Variants in ALG9 observed in about 807,000 individuals in gnomAD.
The protein encoded by ALG9 is ALG9 alpha-1,2-mannosyltransferase, also known as alpha-1,2-mannosyltransferase ALG9.
Under a neutral mutation model 81.8 loss-of-function variants are expected in ALG9, and 55 were observed. The ratio of observed to expected loss-of-function variants is 0.67; its 90% CI spans 0.54 to 0.84. The LOEUF (loss-of-function observed/expected upper bound fraction) is 0.84. ALG9 is among the 40% of genes least tolerant of loss of function. The pLI, the probability that ALG9 is intolerant of heterozygous loss-of-function variation, is 0.00. For missense variants in ALG9, 629 were observed against 745.0 expected, an observed-to-expected ratio of 0.84 and a Z score of 1.81; for synonymous variants, 278 against 274.3, an observed-to-expected ratio of 1.01 and a Z score of -0.13.
chr11:111,837,499 G>A lies in ALG9; in HGVS notation c.1441C>T (p.Arg481Ter). Reference sequence around the variant, plus strand: ...GGAAGAAGGAAGCTGCTGGGAAATCGATACCACTCTTTTCCCACACAGACA... The same window carrying A: ...GGAAGAAGGAAGCTGCTGGGAAATCAATACCACTCTTTTCCCACACAGACA... Reference protein sequence around the residue: ...VNVCVGKEWYRFPSSFLLPDN... With the variant: ...VNVCVGKEWY The change falls in exon 12 of 15, where the codon CGA becomes TGA. Residue 481 changes from arginine (R) to a stop codon, truncating the protein, a stop_gained. Coordinates refer to ENST00000616540, the MANE Select transcript of ALG9 (RefSeq NM_024740.2). LOFTEE classifies it high-confidence loss of function. 2 of 1,614,152 alleles carry A rather than the reference G, an allele frequency of 1.2e-6. No homozygotes were observed. Among genetic ancestry groups the A allele is most frequent in the Non-Finnish European group, 1.7e-6 (2 of 1,180,016 alleles).
chr11:111,865,055 G>A, intron 4 of ALG9, 126 bp downstream of exon 4: 1 of 682,220 alleles, frequency 1.5e-6, no homozygotes. Flanking sequence ...GGGATTACAG[G>A]TGTGAGCCAC....
At chr11:111,797,061 A>G (rs2136277667) in intron 14 of ALG9, among the ~76,000 whole-genome samples, 1 of 152,342 alleles carries the variant, frequency 6.6e-6, no homozygotes, top group African/African-American at 2.4e-5. Flanking sequence ...GAAAAGTTTC[A>G]AAGTTTATCC....
At chr11:111,779,565 G>A (rs1466463731), downstream of ALG9, among the ~76,000 whole-genome samples, 1 of 151,740 alleles carries the variant, frequency 6.6e-6, no homozygotes. Flanking sequence ...TGCCCAGGCT[G>A]ATTTCAAACT....
chr11:111,778,942 G>A (rs1410084244), downstream of ALG9, among the ~76,000 whole-genome samples: 6 of 151,964 alleles, frequency 3.9e-5, no homozygotes, highest in Middle Eastern at 3.4e-3. Context: ...AGCCTACTGA[G>A]TAGCTGGGAT....
chr11:111,812,201 T>C (rs1950820933), intron 13 of ALG9, among the ~76,000 whole-genome samples: 1 of 152,210 alleles, frequency 6.6e-6, no homozygotes, highest in South Asian at 2.1e-4. Flanking sequence ...ACAGACTTTT[T>C]TGAAACTCAA....
At chr11:111,808,007 T>G (rs1950178075) in intron 14 of ALG9, among the ~76,000 whole-genome samples, 1 of 152,040 alleles carries the variant, frequency 6.6e-6, no homozygotes, top group Admixed American at 6.6e-5. Context: ...GAGGTAGAGG[T>G]TACAGTGAGC....
At chr11:111,866,729 T>C (rs1237524977) in intron 3 of ALG9, among the ~76,000 whole-genome samples, 1 of 151,316 alleles carries the variant, frequency 6.6e-6, no homozygotes, top group African/African-American at 2.4e-5. Context: ...ACCCTCTGCA[T>C]AGCACATTGT....
intron 11 of ALG9, among the ~76,000 whole-genome samples, 164 bp downstream of exon 11, chr11:111,838,085 G>C (rs1955621309): frequency 6.6e-6 from 1 of 152,158 alleles, no homozygotes. Context: ...TCAATCCTAA[G>C]ATACAGAAGT....
intron 8 of ALG9, among the ~76,000 whole-genome samples, chr11:111,852,612 G>GA (rs1402967452): frequency 9.9e-5 from 15 of 152,132 alleles, no homozygotes; most frequent in Non-Finnish European, 2.1e-4. Flanking sequence ...ATCTGGAAGA[G>GA]AAAAAGTAAC....
At chr11:111,773,478 C>G in the ALG9 span, among the ~76,000 whole-genome samples, 1 of 152,086 alleles carries the variant, frequency 6.6e-6, no homozygotes, top group African/African-American at 2.4e-5. Context: ...CTCCTGAACT[C>G]AGGTGATTCG....
chr11:111,851,685 C>T (rs1252889243), intron 8 of ALG9, among the ~76,000 whole-genome samples: 2 of 152,148 alleles, frequency 1.3e-5, no homozygotes, highest in African/African-American at 2.4e-5. Context: ...GTGTTTCTAA[C>T]AGGCTCTCTG....
chr11:111,828,290 G>T (rs41476151), intron 13 of ALG9, among the ~76,000 whole-genome samples: 2,834 of 152,316 alleles, frequency 0.019, 72 homozygotes, highest in Admixed American at 0.076. Context: ...ACCGCCAATG[G>T]ATAGTCTTGA....
intron 13 of ALG9, among the ~76,000 whole-genome samples, chr11:111,821,003 G>A (rs1952263398): frequency 6.6e-6 from 1 of 152,002 alleles, no homozygotes; most frequent in African/African-American, 2.4e-5. Context: ...GGCTGAGGTG[G>A]TAGGATTGCT....
chr11:111,865,956 T>C (rs750184574), intron 3 of ALG9, among the ~76,000 whole-genome samples: 15 of 152,206 alleles, frequency 9.9e-5, no homozygotes, highest in Non-Finnish European at 8.8e-5. Context: ...GAATACCATA[T>C]GGTTAAGAGC....
chr11:111,813,694 G>A (rs1951070352), intron 13 of ALG9, among the ~76,000 whole-genome samples: 1 of 152,186 alleles, frequency 6.6e-6, no homozygotes, highest in Admixed American at 6.5e-5. Context: ...AAACGGGCAA[G>A]TGACTTAGGT....
At chr11:111,841,552 G>C in intron 9 of ALG9, among the ~76,000 whole-genome samples, 1 of 152,220 alleles carries the variant, frequency 6.6e-6, no homozygotes, top group Admixed American at 6.5e-5. Context: ...AGAAATGAGA[G>C]ATAAGCCTGC....
Position 111,782,210 on chromosome 11 carries a change from T to A in ALG9, c.*4187A>T, listed in dbSNP as rs1282892332. Reference sequence around the variant, plus strand: ...AAAAAGAAAATCAAACTGCTACAATTTATTTAACTCTTTCTTTCACAGGAA... The same window carrying A: ...AAAAAGAAAATCAAACTGCTACAATATATTTAACTCTTTCTTTCACAGGAA... On this transcript the variant is annotated 3_prime_UTR_variant, in exon 15 of 15. Coordinates refer to ENST00000616540, the MANE Select transcript of ALG9 (RefSeq NM_024740.2). 1.3e-5 allele frequency: 2 copies of A among 152,174 alleles called. No individual in the cohort carries two copies. The highest frequency in any genetic ancestry group is 4.8e-5 in the African/African-American group (2 of 41,434). 9.4% of individuals were successfully genotyped at this position (152,174 alleles called of 1,614,324 possible). A position where few individuals can be genotyped will look rare whatever the true frequency, so the allele number is the denominator to read the frequency against.
chr11:111,849,755 T>G (rs1467557662), intron 8 of ALG9: 3 of 152,226 alleles, frequency 2.0e-5, no homozygotes, highest in Non-Finnish European at 4.4e-5. Context: ...TGTGTTAGTT[T>G]GCTGAGGATA....
At chr11:111,844,865 A>G (rs1956735644) in intron 8 of ALG9, 142 bp from the exon 9 acceptor site, 1 of 901,224 alleles carries the variant, frequency 1.1e-6, no homozygotes, top group Admixed American at 1.8e-5. Context: ...CACTCTTCCC[A>G]TGCTAAGCTA....
Sources: gnomAD v4.1 joint callset for allele counts (sites outside exome capture counted in the v4.1 genomes callset) on GRCh38, gnomAD v4.1.1 for gene constraint, MANE v1.5 for transcripts, NCBI Gene and HGNC (gene_info 2026-07-23, HGNC 2026-07-21) for gene names.